PUDP: variants seen among roughly 807,000 people sequenced by gnomAD.
The protein encoded by PUDP is pseudouridine-5'-phosphatase.
PUDP carries 8 observed loss-of-function variants against 9.4 expected under a neutral mutation model. The observed-to-expected ratio is 0.85, with a 90% confidence interval of 0.50 to 1.53. PUDP has a LOEUF of 1.53. Ranked by LOEUF, PUDP falls within the 40% of genes most tolerant of loss-of-function variation. The probability of loss-of-function intolerance (pLI) is 0.00; values close to 1 mark genes in which losing one functional copy is unlikely to be tolerated. For synonymous variants in PUDP, 99 were observed against 80.7 expected (o/e 1.23, Z -1.22); for missense variants, 188 against 189.7 (o/e 0.99, Z 0.05).
intron 3 of PUDP, among the ~76,000 whole-genome samples, chrX:6,816,578 T>C (rs1485997321): frequency 3.9e-5 from 4 of 101,698 alleles, no homozygotes; most frequent in Non-Finnish European, 5.9e-5. Context: ...ATATATAGTA[T>C]AATATACGTA....
At chrX:7,117,524 G>C (rs1387060356) in intron 1 of PUDP, among the ~76,000 whole-genome samples, 1 of 112,783 alleles carries the variant, frequency 8.9e-6, no homozygotes, top group Non-Finnish European at 1.9e-5. Flanking sequence ...GTGTAACCTG[G>C]CTTCTTCTAA....
At chrX:6,723,184 T>G (rs1390558042), upstream of PUDP, among the ~76,000 whole-genome samples, 1 of 108,907 alleles carries the variant, frequency 9.2e-6, no homozygotes, top group Non-Finnish European at 1.9e-5. Flanking sequence ...TGTACATATG[T>G]GAACCTGGAT....
At chrX:7,079,340 T>C (rs1377638761) in intron 2 of PUDP, among the ~76,000 whole-genome samples, 1 of 112,042 alleles carries the variant, frequency 8.9e-6, no homozygotes, top group African/African-American at 3.2e-5. Flanking sequence ...CAAAAACCAA[T>C]AGAACTGAAT....
chrX:6,855,085 C>A (rs778420528), intron 3 of PUDP, among the ~76,000 whole-genome samples: 2 of 107,825 alleles, frequency 1.9e-5, no homozygotes, highest in East Asian at 3.1e-4. Context: ...CACCTCTGCA[C>A]CCCTGTGACA....
chrX:6,877,966 A>T (rs1403630839), intron 3 of PUDP, among the ~76,000 whole-genome samples: 2 of 111,899 alleles, frequency 1.8e-5, no homozygotes, highest in African/African-American at 3.2e-5. Context: ...AGCAAAGAAC[A>T]CAACCTTCTC....
intron 3 of PUDP, among the ~76,000 whole-genome samples, chrX:6,799,792 C>T (rs867772249): frequency 6.3e-5 from 7 of 110,276 alleles, no homozygotes; most frequent in African/African-American, 9.9e-5. Flanking sequence ...GCCGAGACCA[C>T]GCCATTGCAC....
At chrX:7,147,841 C>T in intron 1 of PUDP, 1 of 155,527 alleles carries the variant, frequency 6.4e-6, no homozygotes, top group Non-Finnish European at 1.3e-5. Context: ...GCCGCGGCCA[C>T]GCGCGCCCGC....
intron 3 of PUDP, among the ~76,000 whole-genome samples, chrX:6,958,471 AAG>A (rs1235201205): frequency 8.9e-6 from 1 of 111,890 alleles, no homozygotes; most frequent in African/African-American, 3.2e-5. Flanking sequence ...TTTTGCTTCT[AAG>A]AGAAGTTACT....
chrX:6,916,929 G>T (rs147383932), intron 3 of PUDP, among the ~76,000 whole-genome samples: 2,025 of 111,530 alleles, frequency 0.018, 46 homozygotes, highest in African/African-American at 0.061. Flanking sequence ...TAAAATTATC[G>T]TTTCTATATC....
intron 3 of PUDP, among the ~76,000 whole-genome samples, chrX:6,818,981 T>C (rs1384393579): frequency 8.9e-6 from 1 of 111,793 alleles, no homozygotes; most frequent in Non-Finnish European, 1.9e-5. Flanking sequence ...TATATAAAAG[T>C]TGTTCATTCT....
intron 3 of PUDP, among the ~76,000 whole-genome samples, chrX:6,847,455 C>T (rs1309238175): frequency 8.9e-6 from 1 of 112,318 alleles, no homozygotes; most frequent in Admixed American, 9.4e-5. Flanking sequence ...CATTAAAAAT[C>T]TGTTTAATCA....
intron 3 of PUDP, among the ~76,000 whole-genome samples, chrX:6,775,002 T>C (rs757845206): frequency 1.8e-5 from 2 of 112,186 alleles, no homozygotes; most frequent in South Asian, 7.5e-4. Context: ...TGTTTTAGAG[T>C]GTACAATTCA....
At chrX:6,896,687 T>C (rs1044721976) in intron 3 of PUDP, among the ~76,000 whole-genome samples, 1 of 111,303 alleles carries the variant, frequency 9.0e-6, no homozygotes, top group Non-Finnish European at 1.9e-5. Flanking sequence ...TTTTTTATTT[T>C]TTATTTTCTG....
At chrX:7,080,464 A>G (rs2146870258) in intron 2 of PUDP, among the ~76,000 whole-genome samples, 1 of 111,977 alleles carries the variant, frequency 8.9e-6, no homozygotes, top group East Asian at 2.8e-4. Context: ...TTTACATTTT[A>G]CATCAGCACT....
intron 3 of PUDP, among the ~76,000 whole-genome samples, chrX:7,050,983 A>T (rs780500576): frequency 3.6e-4 from 40 of 112,066 alleles, no homozygotes; most frequent in African/African-American, 1.2e-3. Flanking sequence ...TGAGCACGAA[A>T]ACGTAGTGTG....
chrX:6,775,506 C>CACACAT (rs764195224), intron 3 of PUDP, among the ~76,000 whole-genome samples: 46,636 of 101,432 alleles, frequency 0.46, 8,928 homozygotes, highest in Non-Finnish European at 0.57. Context: ...CACACACATA[C>CACACAT]ACACACACAC....
rs969555334 is a variant in PUDP, at chrX:6,800,920, G to A, written c.*248-94454C>T. Among the ~76,000 whole-genome samples, 6 of 111,199 alleles carry A rather than the reference G, an allele frequency of 5.4e-5. No individual in the cohort carries two copies. In the East Asian group the frequency reaches 1.4e-3, roughly 26 times the overall value. On this transcript the variant is annotated intron_variant and NMD_transcript_variant, in intron 3 of 3. Coordinates refer to the PUDP transcript ENST00000655425. ...TCTCAATCCCTTCCTCTCCATCTTC[G>A]CTGACTACAAGAACTGCCAGAGGGG...
At chrX:6,897,633 C>A (rs1490242960) in intron 3 of PUDP, among the ~76,000 whole-genome samples, 1 of 111,585 alleles carries the variant, frequency 9.0e-6, no homozygotes, top group Non-Finnish European at 1.9e-5. Context: ...AAATACCATA[C>A]ACTAGGCAGT....
chrX:7,144,082 C>T (rs1932823954), intron 1 of PUDP, among the ~76,000 whole-genome samples: 2 of 112,072 alleles, frequency 1.8e-5, no homozygotes, highest in South Asian at 7.5e-4. Flanking sequence ...ACTAGGATCA[C>T]TGCACGTTCT....
Sources: gnomAD v4.1 joint callset for allele counts (sites outside exome capture counted in the v4.1 genomes callset) on GRCh38, gnomAD v4.1.1 for gene constraint, MANE v1.5 for transcripts, NCBI Gene and HGNC (gene_info 2026-07-23, HGNC 2026-07-21) for gene names.